Variants in RNF144A observed in about 807,000 individuals in gnomAD.
RNF144A encodes ring finger protein 144A.
A neutral mutation model predicts 38.7 loss-of-function variants in RNF144A; 11 were observed. The ratio of observed to expected loss-of-function variants is 0.28; its 90% CI spans 0.18 to 0.47. The LOEUF (loss-of-function observed/expected upper bound fraction) is 0.47, where lower values mean the gene tolerates loss of function less well. Among genes scored for constraint, RNF144A ranks in the 20% least tolerant of loss-of-function variants. The probability of loss-of-function intolerance (pLI) is 0.99; values close to 1 mark genes in which losing one functional copy is unlikely to be tolerated. For missense variants in RNF144A, 316 were observed against 377.2 expected (o/e 0.84, Z 1.34); for synonymous variants, 149 against 143.9 (o/e 1.04, Z -0.25).
chr2:7,068,028 C>T (rs2103483984), intron 6 of RNF144A, among the ~76,000 whole-genome samples: 1 of 152,286 alleles, frequency 6.6e-6, no homozygotes, highest in South Asian at 2.1e-4. Context: ...TCTAGTGGTC[C>T]CCACCCTGCT....
intron 2 of RNF144A, among the ~76,000 whole-genome samples, chr2:6,982,875 C>T (rs1668719579): frequency 6.6e-6 from 1 of 152,226 alleles, no homozygotes; most frequent in Admixed American, 6.5e-5. Flanking sequence ...TAATCATTCT[C>T]ACACCTTTAG....
chr2:6,945,480 C>G (rs1038043445), intron 2 of RNF144A, among the ~76,000 whole-genome samples: 1 of 152,218 alleles, frequency 6.6e-6, no homozygotes, highest in Non-Finnish European at 1.5e-5. Flanking sequence ...GTTGCTGGGT[C>G]AGTCTTCTCT....
At chr2:7,026,345 A>G (rs1378604452) in intron 7 of RNF144A, among the ~76,000 whole-genome samples, 2 of 152,196 alleles carry the variant, frequency 1.3e-5, no homozygotes, top group Non-Finnish European at 2.9e-5. Context: ...CTTCATTTTT[A>G]CTTCCTAGGC....
At chr2:7,025,468 G>A (rs1031165377) in intron 7 of RNF144A, among the ~76,000 whole-genome samples, 9 of 152,188 alleles carry the variant, frequency 5.9e-5, no homozygotes, top group African/African-American at 2.2e-4. Flanking sequence ...GCGGTCAGGA[G>A]TTCAAGACCA....
At chr2:7,009,927 T>A (rs1233969030) in intron 3 of RNF144A, among the ~76,000 whole-genome samples, 1 of 152,264 alleles carries the variant, frequency 6.6e-6, no homozygotes, top group Non-Finnish European at 1.5e-5. Context: ...TGTGTTCTAC[T>A]CATCTTTGTG....
chr2:6,971,610 T>C (rs547589962), intron 2 of RNF144A, among the ~76,000 whole-genome samples: 4 of 152,282 alleles, frequency 2.6e-5, no homozygotes, highest in Admixed American at 6.5e-5. Flanking sequence ...CAATCAGTTA[T>C]TCTAGACACA....
chr2:6,943,933 C>G lies in RNF144A; in HGVS notation c.-12+2786C>G, dbSNP rs543708251. Among the ~76,000 whole-genome samples, 52 of 152,286 alleles carry G rather than the reference C, an allele frequency of 3.4e-4. No individual in the cohort carries two copies. The South Asian group carries it at 0.011, about 31-fold the overall frequency. On this transcript the variant is annotated intron_variant, in intron 2 of 8. Coordinates refer to ENST00000320892, the MANE Select transcript of RNF144A (RefSeq NM_014746.6). This position sits in a 1 kb window ranked among gnomAD's most constrained non-coding sequence, Gnocchi z 4.3. ...GCCCACTCGAAGCTCTGGCTCCAGA[C>G]TGAAAGAGCCACTCTGGGTGACTGC...
At chr2:6,978,671 T>C (rs1157693293) in intron 2 of RNF144A, 1 of 152,616 alleles carries the variant, frequency 6.6e-6, no homozygotes, top group African/African-American at 2.4e-5. Flanking sequence ...TCCCTCGAGG[T>C]TGGACTCAGA....
intron 2 of RNF144A, among the ~76,000 whole-genome samples, chr2:6,985,660 A>G (rs1418557580): frequency 2.0e-5 from 3 of 152,060 alleles, no homozygotes; most frequent in Admixed American, 1.3e-4. Flanking sequence ...GGGGTTTTCA[A>G]ATTGGAAAGG....
intron 6 of RNF144A, among the ~76,000 whole-genome samples, chr2:7,067,684 A>T (rs1261770296): frequency 1.3e-5 from 2 of 152,168 alleles, no homozygotes; most frequent in Admixed American, 6.5e-5. Flanking sequence ...AGAAAGAAGA[A>T]TGTCTCTCCT....
chr2:6,936,855 G>GTGTA (rs879625201), intron 1 of RNF144A, among the ~76,000 whole-genome samples: 2 of 151,208 alleles, frequency 1.3e-5, no homozygotes, highest in Non-Finnish European at 3.0e-5. Context: ...GTGTGTGTGT[G>GTGTA]TGTGTGTGTG....
intron 1 of RNF144A, among the ~76,000 whole-genome samples, chr2:6,931,847 T>G (rs1439952726): frequency 6.6e-6 from 1 of 152,262 alleles, no homozygotes; most frequent in Non-Finnish European, 1.5e-5. Flanking sequence ...AGTTGTGTTT[T>G]GTGGCCTGGA....
chr2:7,065,218 G>A (rs35366716), intron 6 of RNF144A, among the ~76,000 whole-genome samples: 35,802 of 152,114 alleles, frequency 0.24, 5,042 homozygotes, highest in East Asian at 0.5. Flanking sequence ...TGTCCAAAAA[G>A]GATTTAGATC....
chr2:6,970,061 AATCTT>A (rs1667910347), intron 2 of RNF144A, among the ~76,000 whole-genome samples: 2 of 152,198 alleles, frequency 1.3e-5, no homozygotes, highest in African/African-American at 2.4e-5. Flanking sequence ...CGCCTGGCCA[AATCTT>A]TTATAAAATT....
At chr2:7,049,027 C>T (rs1295696635), downstream of RNF144A, among the ~76,000 whole-genome samples, 1 of 152,200 alleles carries the variant, frequency 6.6e-6, no homozygotes, top group Non-Finnish European at 1.5e-5. Context: ...TAGACAATTA[C>T]TCTCCTATGA....
At chr2:7,051,546 T>TG (rs1673527427) in intron 6 of RNF144A, among the ~76,000 whole-genome samples, 1 of 151,986 alleles carries the variant, frequency 6.6e-6, no homozygotes, top group Non-Finnish European at 1.5e-5. Flanking sequence ...GAAGAGGAGA[T>TG]GGGGGTCTAT....
downstream of RNF144A, among the ~76,000 whole-genome samples, chr2:7,046,340 A>G (rs933804836): frequency 6.6e-6 from 1 of 152,196 alleles, no homozygotes; most frequent in Non-Finnish European, 1.5e-5. Context: ...TGAAGCCAAC[A>G]TCGAATGGGG....
intron 2 of RNF144A, among the ~76,000 whole-genome samples, chr2:6,964,241 A>G (rs1177683272): frequency 6.6e-6 from 1 of 152,238 alleles, no homozygotes; most frequent in African/African-American, 2.4e-5. Context: ...ACTGGCCATC[A>G]GAGAAATGCA....
At position 6,958,282 on chromosome 2, in the gene RNF144A, C is replaced by T. The variant is rs1667131188; in HGVS notation, c.-12+17135C>T. Reference sequence around the variant, plus strand: ...AGCAAAGTGGAGTGATTGAAGGACACAGTCCAGTAACTCAGCAGCCTGCCG... The same window carrying T: ...AGCAAAGTGGAGTGATTGAAGGACATAGTCCAGTAACTCAGCAGCCTGCCG... On this transcript the variant is annotated intron_variant, in intron 2 of 8. Transcript: ENST00000320892. The surrounding 1 kb of genome is among the most constrained non-coding windows in gnomAD (Gnocchi z 4.5). 6.6e-6 allele frequency among the ~76,000 whole-genome samples: 1 copy of T among 152,228 alleles called. No homozygotes were observed. The highest frequency in any genetic ancestry group is 1.5e-5 in the Non-Finnish European group (1 of 68,044).
Sources: allele counts gnomAD v4.1 joint callset (sites outside exome capture counted in the v4.1 genomes callset), GRCh38; gene constraint gnomAD v4.1.1; non-coding constraint Gnocchi (gnomAD v3.1); transcripts MANE v1.5; gene names NCBI Gene and HGNC (gene_info 2026-07-23, HGNC 2026-07-21).